DOHH: variants seen among roughly 807,000 people sequenced by gnomAD.
DOHH encodes deoxyhypusine hydroxylase, also known as HEAT-like (PBS lyase) repeat containing 1.
DOHH carries 16 observed loss-of-function variants against 19.9 expected under a neutral mutation model. The observed-to-expected ratio is 0.80, with a 90% CI of 0.54 to 1.22. The LOEUF is 1.22. DOHH is among the 50% of genes most tolerant of loss of function. DOHH has a pLI of 0.00. For missense variants in DOHH, 460 were observed against 460.6 expected (o/e 1.00, Z 0.01); for synonymous variants, 233 against 217.0 (o/e 1.07, Z -0.65).
chr19:3,495,452 T>C (rs189377993), intron 2 of DOHH, among the ~76,000 whole-genome samples: 1 of 152,214 alleles, frequency 6.6e-6, no homozygotes, highest in Non-Finnish European at 1.5e-5. Flanking sequence ...TGTATCTGTA[T>C]TGTCACTGTT....
chr19:3,493,528 T>C (rs2082886260), intron 3 of DOHH, among the ~76,000 whole-genome samples: 1 of 150,236 alleles, frequency 6.7e-6, no homozygotes, highest in African/African-American at 2.5e-5. Context: ...GAGAATAGCA[T>C]GAACCTGGGA....
rs1027382978 is a variant in DOHH, at chr19:3,491,322, G to T, written c.*170C>A. 1.4e-6 allele frequency: 1 copy of T among 706,208 alleles called. No homozygotes were observed. Among genetic ancestry groups the T allele is most frequent in the Non-Finnish European group, 2.3e-6 (1 of 436,796 alleles). The allele number at this position is 706,208 out of a possible 1,614,324, so 43.7% of individuals were successfully genotyped here. ...CAGTCAGGGGACTCAGGGAGTCACA[G>T]CACAACGGCAGCTCCTCGGTCCCAG... On this transcript the variant is annotated 3_prime_UTR_variant, in exon 5 of 5. Transcript: ENST00000427575. The surrounding 1 kb of genome is among the most constrained non-coding windows in gnomAD (Gnocchi z 5.6).
rs2082875091 is a variant in DOHH at position 3,492,250 on chromosome 19, G to A, written c.589+12C>T. 5 of 1,453,382 alleles carry A rather than the reference G, an allele frequency of 3.4e-6. No individual in the cohort carries two copies. Among genetic ancestry groups the A allele is most frequent in the Non-Finnish European group, 3.6e-6 (4 of 1,113,080 alleles). 90.0% of individuals were successfully genotyped at this position (1,453,382 alleles called of 1,614,324 possible). On this transcript the variant is annotated intron_variant, in intron 4 of 4. Transcript: ENST00000427575. ...CACTGCCCAGGACCCCACCCCAGAA[G>A]CCCCTCCTCACCCTCGGCCAGCGCC... is the stretch of plus-strand genomic sequence containing the variant.
rs200085356 is a variant in DOHH, at chr19:3,492,435, G to C, written c.416C>G (p.Pro139Arg). The change falls in exon 4 of 5, where the codon CCG (proline) becomes CGG (arginine). Residue 139 changes from proline to arginine, a missense_variant. Pro to Arg is a moderately radical substitution (Grantham distance 103). Transcript: ENST00000427575. Reference protein sequence around the residue: ...LEWLQQHGGEPAAGPYLSVDP... With the variant: ...LEWLQQHGGERAAGPYLSVDP... The stretch of plus-strand genomic sequence containing the variant: ...CACGGAGAGGTAGGGTCCCGCCGCC[G>C]GCTCCCCGCCGTGCTGCTGCAGCCA... The C allele has an allele frequency of 1.6e-4, 239 of 1,487,440 alleles. 1 individual carries two copies. The highest frequency in any genetic ancestry group is 2.1e-4 in the Non-Finnish European group (234 of 1,124,410). The allele number at this position is 1,487,440 out of a possible 1,614,324, so 92.1% of individuals were successfully genotyped here.
intron 1 of DOHH, among the ~76,000 whole-genome samples, chr19:3,499,067 A>G (rs2082930435): frequency 6.6e-6 from 1 of 152,214 alleles, no homozygotes; most frequent in East Asian, 1.9e-4. Flanking sequence ...GATATTTTCC[A>G]GGCCTTCTCC....
chr19:3,493,343 G>T (rs1410513251), intron 3 of DOHH, among the ~76,000 whole-genome samples: 1 of 152,172 alleles, frequency 6.6e-6, no homozygotes. Context: ...AGGCGCGGTG[G>T]CTCACGCCTG....
rs754127896 is a variant in DOHH at position 3,496,653 on chromosome 19, G to A, written c.162C>T (p.Leu54=). 2.5e-6 allele frequency: 4 copies of A among 1,614,004 alleles called. No homozygotes were observed. The highest frequency in any genetic ancestry group is 1.3e-5 in the African/African-American group (1 of 75,062). ...SQAFDDDSAL[L]KHELAYCLGQ... is the part of the protein sequence containing the mutation. ...CCAGGCAGTAGGCCAGCTCGTGCTT[G>A]AGCAGGGCGGAATCGTCATCGAAGG... Residue 54 remains leucine, a synonymous_variant, in exon 2 of 5, where the codon CTC becomes CTT. Transcript: ENST00000427575. The surrounding 1 kb of genome is among the most constrained non-coding windows in gnomAD (Gnocchi z 4.8).
In DOHH at chr19:3,496,034, C is replaced by T. The variant is rs745355512; in HGVS notation, c.274+507G>A. On this transcript the variant is annotated intron_variant, in intron 2 of 4. Coordinates refer to ENST00000427575, the MANE Select transcript of DOHH (RefSeq NM_001145165.2). This position sits in a 1 kb window ranked among gnomAD's most constrained non-coding sequence, Gnocchi z 4.8. ...AGTTTGTTTTTTGTTTTTTCACAGA[C>T]AGGATCTCACTCTGTTGCCCAGGCT... 7.9e-5 allele frequency among the ~76,000 whole-genome samples: 12 copies of T among 152,142 alleles called. No individual in the cohort carries two copies. The highest frequency in any genetic ancestry group is 2.1e-4 in the South Asian group (1 of 4,828).
chr19:3,492,384 C>T lies in DOHH; in HGVS notation c.467G>A (p.Arg156His), dbSNP rs965500521. 4.6e-6 allele frequency: 7 copies of T among 1,535,274 alleles called. No homozygotes were observed. The African/African-American group carries it at 8.3e-5, about 18-fold the overall frequency. The change falls in exon 4 of 5, where the codon CGT becomes CAT. Residue 156 changes from arginine to histidine, a missense_variant. Coordinates refer to ENST00000427575, the MANE Select transcript of DOHH (RefSeq NM_001145165.2). ...SVDPAPPAEE[R>H]DVGRLREALL... is the part of the protein sequence containing the mutation. ...CGCCTCCCGCAGGCGCCCCACGTCACGCTCCTCAGCCGGCGGGGCAGGGTC... is the reference window on the plus strand; with the variant it reads ...CGCCTCCCGCAGGCGCCCCACGTCATGCTCCTCAGCCGGCGGGGCAGGGTC...
chr19:3,493,405 C>G (rs982701804), intron 3 of DOHH, among the ~76,000 whole-genome samples: 6 of 152,258 alleles, frequency 3.9e-5, no homozygotes, highest in East Asian at 1.9e-4. Context: ...GTCAGGAGAT[C>G]GAGACCATCC....
At chr19:3,499,462 G>A (rs1464595568) in intron 1 of DOHH, among the ~76,000 whole-genome samples, 1 of 152,088 alleles carries the variant, frequency 6.6e-6, no homozygotes, top group Non-Finnish European at 1.5e-5. Context: ...TGACCTGCAC[G>A]CAGTAGGGCC....
At chr19:3,494,829 G>C (rs567667634) in intron 2 of DOHH, among the ~76,000 whole-genome samples, 1 of 152,204 alleles carries the variant, frequency 6.6e-6, no homozygotes, top group Admixed American at 6.5e-5. Flanking sequence ...TCCCGTATGC[G>C]CCAACACAGG....
chr19:3,496,458 C>A lies in DOHH; in HGVS notation c.274+83G>T, dbSNP rs983204408. 9 of 1,539,198 alleles carry A rather than the reference C, an allele frequency of 5.8e-6. No individual in the cohort carries two copies. In the African/African-American group the frequency reaches 1.1e-4, roughly 19 times the overall value. On this transcript the variant is annotated intron_variant, in intron 2 of 4. Coordinates refer to ENST00000427575, the MANE Select transcript of DOHH (RefSeq NM_001145165.2). The surrounding 1 kb of genome is among the most constrained non-coding windows in gnomAD (Gnocchi z 4.8). Reference sequence around the variant, plus strand: ...CAGTTGACCACTCTGATATTTATCACCTGAGTGAGGAAGGGGACACGTGGG... The same window carrying A: ...CAGTTGACCACTCTGATATTTATCAACTGAGTGAGGAAGGGGACACGTGGG...
At chr19:3,498,530 C>T (rs779318878) in intron 1 of DOHH, among the ~76,000 whole-genome samples, 5 of 152,182 alleles carry the variant, frequency 3.3e-5, no homozygotes, top group African/African-American at 9.6e-5. Context: ...CTCAGCCTCC[C>T]GAGTATCTGG....
rs1275774902 is a variant in DOHH at position 3,493,944 on chromosome 19, G to C, written c.351+84C>G. On this transcript the variant is annotated intron_variant, in intron 3 of 4. Transcript: ENST00000427575. ...CCAGAGATGGGGAGGGTCTGAGGCT[G>C]CTCCAGGTCAGGGCTGGGGCAGGGC... 1.3e-5 allele frequency: 18 copies of C among 1,345,234 alleles called. 1 individual carries two copies. The Admixed American group carries it at 2.4e-4, about 18-fold the overall frequency. 83.3% of individuals were successfully genotyped at this position (1,345,234 alleles called of 1,614,324 possible).
intron 3 of DOHH, among the ~76,000 whole-genome samples, chr19:3,492,862 C>T (rs900921945): frequency 1.3e-5 from 2 of 152,288 alleles, no homozygotes; most frequent in African/African-American, 2.4e-5. Context: ...GTAAGGCCTG[C>T]GGGCCACTGT....
rs529409318 is a variant in DOHH, at chr19:3,492,476, G to A, written c.375C>T (p.Ala125=). 38 of 1,407,190 alleles carry A rather than the reference G, an allele frequency of 2.7e-5. No individual in the cohort carries two copies. The highest frequency in any genetic ancestry group is 3.1e-5 in the Non-Finnish European group (34 of 1,087,030). 87.2% of individuals were successfully genotyped at this position (1,407,190 alleles called of 1,614,324 possible). The change falls in exon 4 of 5, where the codon GCC becomes GCT. Residue 125 remains alanine, a synonymous_variant. Coordinates refer to ENST00000427575, the MANE Select transcript of DOHH (RefSeq NM_001145165.2). ...VIEVAETCQL[A]VRRLEWLQQH... The stretch of plus-strand genomic sequence containing the variant: ...GCTGCAGCCACTCCAGCCTGCGCAC[G>A]GCCAGCTGGCAGGTCTCGGCCACCT...
intron 4 of DOHH, among the ~76,000 whole-genome samples, chr19:3,492,050 C>A (rs891719271): frequency 3.9e-5 from 6 of 152,280 alleles, no homozygotes; most frequent in East Asian, 1.9e-4. Flanking sequence ...CCCGGGGGAA[C>A]TGACCGCAGC....
chr19:3,498,905 C>G (rs1365220569), intron 1 of DOHH, among the ~76,000 whole-genome samples: 1 of 152,098 alleles, frequency 6.6e-6, no homozygotes, highest in Non-Finnish European at 1.5e-5. Flanking sequence ...TACTGAGGTT[C>G]CAAAGGAAAG....
Sources: gnomAD v4.1 joint callset for allele counts (sites outside exome capture counted in the v4.1 genomes callset) on GRCh38, gnomAD v4.1.1 for gene constraint, Gnocchi (gnomAD v3.1) non-coding constraint, MANE v1.5 for transcripts, NCBI Gene and HGNC (gene_info 2026-07-23, HGNC 2026-07-21) for gene names.